Variants in RIC1 observed in about 807,000 individuals in gnomAD.
RIC1 encodes the protein RIC1 partner of RAB6A GEF complex.
In RIC1, 88 loss-of-function variants were observed where a neutral mutation model predicts 169.0. The ratio of observed to expected loss-of-function variants is 0.52; its 90% CI spans 0.44 to 0.62. The LOEUF (loss-of-function observed/expected upper bound fraction) is 0.62, where lower values mean the gene tolerates loss of function less well. Ranked by LOEUF, RIC1 falls within the 20% of genes least tolerant of loss-of-function variation. RIC1 has a pLI of 0.00. For synonymous variants in RIC1, 790 were observed against 601.5 expected (o/e 1.31, Z -4.59); for missense variants, 1,877 against 1,725.5 (o/e 1.09, Z -1.56).
At chr9:5,706,305 A>C (rs1822581099) in intron 3 of RIC1, among the ~76,000 whole-genome samples, 4 of 152,164 alleles carry the variant, frequency 2.6e-5, no homozygotes, top group Admixed American at 2.6e-4. Flanking sequence ...TAAAAAAATT[A>C]GCTGGGCATG....
intron 19 of RIC1, 48 bp from the exon 20 acceptor site, chr9:5,765,366 C>A: frequency 6.4e-7 from 1 of 1,563,882 alleles, no homozygotes; most frequent in African/African-American, 1.4e-5. Flanking sequence ...TCATATCTTC[C>A]CAAATTGTGT....
intron 3 of RIC1, among the ~76,000 whole-genome samples, chr9:5,697,599 C>T (rs1029166421): frequency 6.6e-6 from 1 of 152,226 alleles, no homozygotes; most frequent in South Asian, 2.1e-4. Context: ...GTAAGCATTC[C>T]AGTAAACAAT....
chr9:5,724,896 A>T (rs1823864790), intron 6 of RIC1, among the ~76,000 whole-genome samples: 1 of 152,204 alleles, frequency 6.6e-6, no homozygotes, highest in South Asian at 2.1e-4. Flanking sequence ...CTTGCATCCC[A>T]GGGATGAAGC....
intron 6 of RIC1, among the ~76,000 whole-genome samples, chr9:5,726,609 G>T (rs1450597638): frequency 6.6e-6 from 1 of 152,150 alleles, no homozygotes; most frequent in Admixed American, 6.6e-5. Context: ...ATGTTAGCTG[G>T]TTATTTTGCA....
At chr9:5,633,543 A>G (rs537455169) in intron 1 of RIC1, among the ~76,000 whole-genome samples, 1 of 152,140 alleles carries the variant, frequency 6.6e-6, no homozygotes, top group Admixed American at 6.5e-5. Context: ...ATAAGTGTTC[A>G]TTTTTCTGAT....
At chr9:5,720,545 C>G (rs989508410) in intron 5 of RIC1, 69 bp from the exon 6 acceptor site, 4 of 1,441,338 alleles carry the variant, frequency 2.8e-6, no homozygotes, top group Middle Eastern at 3.6e-4. Context: ...ACAGGTTTTT[C>G]TGGCAAAAAG....
At chr9:5,712,223 C>T (rs7466553) in intron 3 of RIC1, among the ~76,000 whole-genome samples, 37,674 of 152,080 alleles carry the variant, frequency 0.25, 5,490 homozygotes, top group East Asian at 0.5. Context: ...TTCTTCACAT[C>T]CTCTCCAGCA....
intron 17 of RIC1, among the ~76,000 whole-genome samples, chr9:5,760,418 CT>C (rs1422867454): frequency 6.6e-6 from 1 of 152,262 alleles, no homozygotes; most frequent in East Asian, 1.9e-4. Context: ...GAGAAGTGTA[CT>C]TTTTTAATGA....
rs7867216 is a variant in RIC1 at position 5,766,926 on chromosome 9, T to C, written c.3137+1128T>C. Among the ~76,000 whole-genome samples, 1,316 of 152,312 alleles carry C rather than the reference T, an allele frequency of 8.6e-3. 30 individuals are homozygous for C. Among genetic ancestry groups the C allele is most frequent in the African/African-American group, 0.03 (1,267 of 41,564 alleles). On this transcript the variant is annotated intron_variant, in intron 21 of 25. Coordinates refer to ENST00000414202, the MANE Select transcript of RIC1 (RefSeq NM_020829.4). ...TATTGAGGGAATCTCCACCCTGTTT[T>C]CCATAGCAGCTGTACTAGTTTACAT...
chr9:5,732,715 G>T lies in RIC1; in HGVS notation c.812+236G>T, dbSNP rs539033333. ...TTTGTAAAAGTTAGCGTTTTCTTCA[G>T]TGGTGGAAAATTGAGTTACAAGTTA... On this transcript the variant is annotated intron_variant, in intron 7 of 25. Transcript: ENST00000414202. Among the ~76,000 whole-genome samples the T allele has an allele frequency of 6.6e-5, 10 of 152,310 alleles. No individual in the cohort carries two copies. In the East Asian group the frequency reaches 1.5e-3, roughly 23 times the overall value.
chr9:5,750,099 A>T (rs1825635311), intron 12 of RIC1, among the ~76,000 whole-genome samples: 1 of 150,710 alleles, frequency 6.6e-6, no homozygotes, highest in Admixed American at 6.6e-5. Flanking sequence ...AGCAAGCACC[A>T]GCCAAGGTGC....
At chr9:5,649,062 G>A (rs1818669591) in intron 1 of RIC1, among the ~76,000 whole-genome samples, 1 of 152,058 alleles carries the variant, frequency 6.6e-6, no homozygotes, top group Admixed American at 6.5e-5. Flanking sequence ...TTGAGCCAGG[G>A]AGGTAAAGGC....
chr9:5,773,928 G>C (rs1827416929), intron 25 of RIC1, 30 bp from the exon 26 acceptor site: 1 of 1,532,172 alleles, frequency 6.5e-7, no homozygotes, highest in Non-Finnish European at 8.8e-7. Flanking sequence ...AATTATGGCA[G>C]ATGAGCTAAT....
chr9:5,759,822 A>C (rs139179952), intron 17 of RIC1, among the ~76,000 whole-genome samples: 2 of 152,370 alleles, frequency 1.3e-5, no homozygotes, highest in African/African-American at 4.8e-5. Context: ...CAAAATCTTG[A>C]TAATTGTGAA....
intron 2 of RIC1, among the ~76,000 whole-genome samples, chr9:5,686,137 G>C (rs1821204926): frequency 6.6e-6 from 1 of 151,162 alleles, no homozygotes; most frequent in South Asian, 2.1e-4. Context: ...ACAGGTGCTG[G>C]AGAGGATGTG....
chr9:5,739,994 A>T (rs1008918833), intron 8 of RIC1, among the ~76,000 whole-genome samples: 1 of 152,192 alleles, frequency 6.6e-6, no homozygotes, highest in African/African-American at 2.4e-5. Flanking sequence ...CTCTTTCTCT[A>T]TAGGAGATAA....
intron 2 of RIC1, among the ~76,000 whole-genome samples, chr9:5,686,641 G>A (rs1235775261): frequency 8.2e-6 from 1 of 121,304 alleles, no homozygotes; most frequent in East Asian, 3.0e-4. Context: ...GTGGGGGGAG[G>A]GGGGAGGGAT....
chr9:5,756,457 A>T, intron 16 of RIC1, 85 bp downstream of exon 16: 1 of 908,018 alleles, frequency 1.1e-6, no homozygotes, highest in Non-Finnish European at 1.5e-6. Context: ...CAAAACAGTT[A>T]TTCCACTTTT....
At chr9:5,682,609 A>G (rs956894873) in intron 2 of RIC1, among the ~76,000 whole-genome samples, 4 of 151,190 alleles carry the variant, frequency 2.6e-5, no homozygotes, top group East Asian at 1.9e-4. Flanking sequence ...CTTCATTTCA[A>G]CTTTGCTGAA....
Sources: allele counts gnomAD v4.1 joint callset (sites outside exome capture counted in the v4.1 genomes callset), GRCh38; gene constraint gnomAD v4.1.1; transcripts MANE v1.5; gene names NCBI Gene and HGNC (gene_info 2026-07-23, HGNC 2026-07-21).